COX10: variants seen among roughly 807,000 people sequenced by gnomAD.
The protein encoded by COX10 is cytochrome c oxidase assembly factor heme A:farnesyltransferase COX10, also known as protoheme IX farnesyltransferase, mitochondrial.
In COX10, 27 loss-of-function variants were observed where a neutral mutation model predicts 37.3. The observed-to-expected ratio is 0.72, with a 90% CI of 0.53 to 1.00. COX10 has a LOEUF of 1.00. COX10 is among the 50% of genes least tolerant of loss of function. The pLI is 0.00. For missense variants in COX10, 475 were observed against 563.2 expected (o/e 0.84, Z 1.59); for synonymous variants, 222 against 229.1 (o/e 0.97, Z 0.28).
chr17:14,190,118 G>A (rs888047647), intron 5 of COX10, among the ~76,000 whole-genome samples: 3 of 152,172 alleles, frequency 2.0e-5, no homozygotes, highest in Non-Finnish European at 2.9e-5. Flanking sequence ...CTGTTAAGGC[G>A]TCTTGGGAGC....
intron 3 of COX10, among the ~76,000 whole-genome samples, chr17:14,096,842 C>T (rs938382366): frequency 6.6e-6 from 1 of 152,066 alleles, no homozygotes; most frequent in Non-Finnish European, 1.5e-5. Context: ...GCTACTGGAT[C>T]TCTTTTCATG....
At chr17:14,190,310 G>C (rs1906161589) in intron 5 of COX10, among the ~76,000 whole-genome samples, 1 of 152,202 alleles carries the variant, frequency 6.6e-6, no homozygotes, top group South Asian at 2.1e-4. Flanking sequence ...TTATTGAGCA[G>C]ATCCAGGGTG....
In COX10 at chr17:14,085,280, A is replaced by G. The variant is rs188647710; in HGVS notation, c.499+8224A>G. Among the ~76,000 whole-genome samples the G allele has an allele frequency of 9.9e-4, 151 of 152,212 alleles. 1 individual carries two copies. Among genetic ancestry groups the G allele is most frequent in the Non-Finnish European group, 1.9e-3 (129 of 67,992 alleles). On this transcript the variant is annotated intron_variant, in intron 3 of 6. Transcript: ENST00000261643. ...TTACGTTAGTGCATAGATAGTTTCT[A>G]TTTTGTTTTATAAAAATGGGGTTAT...
intron 4 of COX10, among the ~76,000 whole-genome samples, chr17:14,142,652 G>A (rs938873385): frequency 2.6e-5 from 4 of 151,972 alleles, no homozygotes; most frequent in African/African-American, 9.7e-5. Context: ...TTCTTTATTG[G>A]AAACTCTTAA....
At chr17:14,125,133 A>G (rs1025758650) in intron 4 of COX10, among the ~76,000 whole-genome samples, 5 of 152,154 alleles carry the variant, frequency 3.3e-5, no homozygotes, top group African/African-American at 1.2e-4. Context: ...ACGAATGCAC[A>G]TTGGTAAAAT....
chr17:14,161,824 C>T (rs1376871095), intron 5 of COX10, among the ~76,000 whole-genome samples: 1 of 152,126 alleles, frequency 6.6e-6, no homozygotes, highest in Non-Finnish European at 1.5e-5. Flanking sequence ...CATTGACATC[C>T]TAGGGTCTCC....
At chr17:14,203,924 G>C (rs578204996) in intron 6 of COX10, among the ~76,000 whole-genome samples, 1 of 152,098 alleles carries the variant, frequency 6.6e-6, no homozygotes, top group African/African-American at 2.4e-5. Context: ...CAGAGGGTTG[G>C]TGAACTCTCA....
chr17:14,074,578 G>C (rs763311988), intron 2 of COX10, 122 bp downstream of exon 2: 4 of 953,132 alleles, frequency 4.2e-6, no homozygotes, highest in Non-Finnish European at 6.8e-6. Context: ...CTTTTATTTA[G>C]TGTCCTTAAA....
chr17:14,121,249 T>A (rs1916222637), intron 4 of COX10, among the ~76,000 whole-genome samples: 1 of 152,190 alleles, frequency 6.6e-6, no homozygotes, highest in South Asian at 2.1e-4. Flanking sequence ...AAGTAATGAT[T>A]TTAAAAATTG....
chr17:14,140,494 T>C (rs1904507022), intron 4 of COX10, among the ~76,000 whole-genome samples: 1 of 152,100 alleles, frequency 6.6e-6, no homozygotes, highest in Non-Finnish European at 1.5e-5. Flanking sequence ...CCTCTATTTC[T>C]GTATGTATTT....
intron 3 of COX10, among the ~76,000 whole-genome samples, chr17:14,099,098 A>G (rs10521257): frequency 0.31 from 46,441 of 151,850 alleles, 7,843 homozygotes; most frequent in South Asian, 0.45. Context: ...ATCTTCCTGT[A>G]ATCTTTATCC....
At chr17:14,195,012 A>T (rs1413960840) in intron 6 of COX10, among the ~76,000 whole-genome samples, 1 of 152,214 alleles carries the variant, frequency 6.6e-6, no homozygotes, top group Non-Finnish European at 1.5e-5. Context: ...AATCTTAAAG[A>T]TGCATTGTGG....
intron 4 of COX10, among the ~76,000 whole-genome samples, chr17:14,117,374 G>A (rs538887075): frequency 3.3e-4 from 50 of 152,296 alleles, no homozygotes; most frequent in Admixed American, 3.0e-3. Context: ...GTGTGAGGTG[G>A]TGATTTAACT....
At chr17:14,190,567 C>T (rs529057069) in intron 5 of COX10, among the ~76,000 whole-genome samples, 2 of 152,276 alleles carry the variant, frequency 1.3e-5, no homozygotes, top group East Asian at 1.9e-4. Flanking sequence ...TCTGTTGGGT[C>T]ACTCTTTGGG....
At chr17:14,166,675 G>A (rs987132385) in intron 5 of COX10, among the ~76,000 whole-genome samples, 18 of 145,758 alleles carry the variant, frequency 1.2e-4, no homozygotes, top group Admixed American at 6.3e-4. Context: ...ACGGTGGTGC[G>A]ATCTCAGCTC....
At chr17:14,120,632 G>A (rs1256205978) in intron 4 of COX10, among the ~76,000 whole-genome samples, 5 of 152,126 alleles carry the variant, frequency 3.3e-5, no homozygotes, top group Non-Finnish European at 7.3e-5. Context: ...GGCCCACAGT[G>A]AGACAGAATT....
intron 6 of COX10, among the ~76,000 whole-genome samples, chr17:14,194,907 A>G (rs1906323109): frequency 6.6e-6 from 1 of 152,178 alleles, no homozygotes; most frequent in Non-Finnish European, 1.5e-5. Context: ...CCTGGTATAA[A>G]ACAGAGCAGT....
chr17:14,150,493 C>G lies in COX10; in HGVS notation c.625-9384C>G, dbSNP rs966200073. On this transcript the variant is annotated intron_variant, in intron 4 of 6. Coordinates refer to ENST00000261643, the MANE Select transcript of COX10 (RefSeq NM_001303.4). The stretch of plus-strand genomic sequence containing the variant: ...ATGTTGGAGGTTAAAGGAGTCAAAC[C>G]GTTGTAGGTTTGATTTCAACTGGAA... Among the ~76,000 whole-genome samples, 9 of 152,068 alleles carry G rather than the reference C, an allele frequency of 5.9e-5. No homozygotes were observed. The South Asian group carries it at 1.9e-3, about 32-fold the overall frequency.
chr17:14,078,970 T>C (rs990620136), intron 3 of COX10, among the ~76,000 whole-genome samples: 1 of 152,132 alleles, frequency 6.6e-6, no homozygotes, highest in African/African-American at 2.4e-5. Context: ...TCCAGTCAGA[T>C]CCTTTCAAGG....
Sources: gnomAD v4.1 joint callset for allele counts (sites outside exome capture counted in the v4.1 genomes callset) on GRCh38, gnomAD v4.1.1 for gene constraint, MANE v1.5 for transcripts, NCBI Gene and HGNC (gene_info 2026-07-23, HGNC 2026-07-21) for gene names.